RAB11FIP4: variants seen among roughly 807,000 people sequenced by gnomAD.
The protein encoded by RAB11FIP4 is rab11 family-interacting protein 4.
Under a neutral mutation model 74.3 loss-of-function variants are expected in RAB11FIP4, and 23 were observed. That is an observed-to-expected ratio of 0.31 (90% CI 0.22 to 0.44). RAB11FIP4 has a LOEUF of 0.44. RAB11FIP4 is among the 20% of genes least tolerant of loss of function. The pLI, the probability that RAB11FIP4 is intolerant of heterozygous loss-of-function variation, is 1.00. For synonymous variants in RAB11FIP4, 360 were observed against 359.9 expected, an observed-to-expected ratio of 1.00 and a Z score of 0.00; for missense variants, 630 against 863.9, an observed-to-expected ratio of 0.73 and a Z score of 3.39.
At chr17:31,399,568 C>A (rs577997149) in intron 1 of RAB11FIP4, among the ~76,000 whole-genome samples, 2 of 151,614 alleles carry the variant, frequency 1.3e-5, no homozygotes, top group African/African-American at 4.8e-5. Context: ...CAAAAATTAG[C>A]CGGGCGTGGT....
chr17:31,523,573 G>A lies in RAB11FIP4; in HGVS notation c.991G>A (p.Asp331Asn). The change falls in exon 8 of 15, where the codon GAC becomes AAC. Residue 331 changes from aspartate to asparagine, a missense_variant. Physicochemically the swap from Asp to Asn is conservative, Grantham distance 23. Coordinates refer to ENST00000621161, the MANE Select transcript of RAB11FIP4 (RefSeq NM_032932.6). ...SNGSTEDLFR[D>N]SIDSCDNDIT... ...TGGCAGCACCGAAGACCTGTTCCGG[G>A]ACAGCATTGACTCTTGCGACAATGA... 6.2e-7 allele frequency: 1 copy of A among 1,614,146 alleles called. No individual in the cohort carries two copies. Among genetic ancestry groups the A allele is most frequent in the African/African-American group, 1.3e-5 (1 of 75,050 alleles).
chr17:31,413,970 C>T (rs188540644), intron 1 of RAB11FIP4, among the ~76,000 whole-genome samples: 9 of 152,212 alleles, frequency 5.9e-5, no homozygotes, highest in East Asian at 3.8e-4. Context: ...CACGGGTGTC[C>T]GCAGCTTCCT....
chr17:31,435,432 A>G (rs1427926364), intron 3 of RAB11FIP4, among the ~76,000 whole-genome samples: 4 of 152,208 alleles, frequency 2.6e-5, no homozygotes, highest in Admixed American at 1.3e-4. Flanking sequence ...TTTTCCAAGC[A>G]GTGCAGCTTC....
intron 3 of RAB11FIP4, among the ~76,000 whole-genome samples, chr17:31,445,532 TTATATATATA>T (rs1208804229): frequency 0.047 from 1,697 of 36,092 alleles, 40 homozygotes; most frequent in Non-Finnish European, 0.059. Context: ...TTTCCCAATT[TTATATATATA>T]TATATATATA....
At chr17:31,505,863 G>T (rs2072338882) in intron 3 of RAB11FIP4, among the ~76,000 whole-genome samples, 1 of 147,784 alleles carries the variant, frequency 6.8e-6, no homozygotes, top group East Asian at 2.0e-4. Flanking sequence ...GCACCACCTG[G>T]CTATTCTTTT....
At position 31,521,158 on chromosome 17, in the gene RAB11FIP4, A is replaced by G. The variant is rs2072657113; in HGVS notation, c.564-8A>G. ...CCTCCTCTGACTTGGGTGCTCTCGGACCCTCAGGTCCCTGGTCCACACTCC... is the reference window on the plus strand; with the variant it reads ...CCTCCTCTGACTTGGGTGCTCTCGGGCCCTCAGGTCCCTGGTCCACACTCC... On this transcript the variant is annotated splice_polypyrimidine_tract_variant and splice_region_variant and intron_variant, in intron 4 of 14. Transcript: ENST00000621161. The G allele has an allele frequency of 6.4e-7, 1 of 1,553,418 alleles. No homozygotes were observed. The highest frequency in any genetic ancestry group is 8.8e-7 in the Non-Finnish European group (1 of 1,142,762).
chr17:31,451,458 CAAAA>C (rs60812825), intron 3 of RAB11FIP4, among the ~76,000 whole-genome samples: 3 of 85,972 alleles, frequency 3.5e-5, no homozygotes, highest in Admixed American at 1.3e-4. Flanking sequence ...GACTCCATCT[CAAAA>C]AAAAAAAAAA....
At chr17:31,400,282 G>A (rs772338806) in intron 1 of RAB11FIP4, among the ~76,000 whole-genome samples, 30 of 152,222 alleles carry the variant, frequency 2.0e-4, no homozygotes, top group Non-Finnish European at 1.9e-4. Context: ...TGGCTATTGA[G>A]GTGGAGCCCA....
chr17:31,530,244 G>A, intron 13 of RAB11FIP4, 82 bp from the exon 14 acceptor site: 1 of 1,552,846 alleles, frequency 6.4e-7, no homozygotes, highest in Non-Finnish European at 8.8e-7. Flanking sequence ...GCAGGTCGGG[G>A]ACGGTGGATG....
intron 2 of RAB11FIP4, among the ~76,000 whole-genome samples, chr17:31,432,848 G>A (rs185436853): frequency 1.7e-3 from 261 of 152,318 alleles, no homozygotes; most frequent in African/African-American, 5.4e-3. Context: ...TGAGGGCCAG[G>A]CACGGTGGCT....
intron 3 of RAB11FIP4, among the ~76,000 whole-genome samples, chr17:31,458,020 C>A (rs2071595947): frequency 6.6e-6 from 1 of 152,204 alleles, no homozygotes; most frequent in African/African-American, 2.4e-5. Context: ...CCATGCTAAT[C>A]TCCTTTAACC....
chr17:31,465,366 C>T (rs976745375), intron 3 of RAB11FIP4, among the ~76,000 whole-genome samples: 1 of 152,086 alleles, frequency 6.6e-6, no homozygotes. Flanking sequence ...GCACGCTCCC[C>T]TAACCAAAGT....
intron 3 of RAB11FIP4, among the ~76,000 whole-genome samples, chr17:31,437,530 C>A (rs1264732659): frequency 6.6e-6 from 1 of 152,134 alleles, no homozygotes; most frequent in Non-Finnish European, 1.5e-5. Flanking sequence ...CCAGGGAACG[C>A]AAACCTGAGG....
At chr17:31,394,107 A>G (rs539236191) in intron 1 of RAB11FIP4, among the ~76,000 whole-genome samples, 1 of 152,180 alleles carries the variant, frequency 6.6e-6, no homozygotes, top group South Asian at 2.1e-4. Flanking sequence ...TTAAAAGCAT[A>G]CTCTGAGATT....
chr17:31,523,093 C>G (rs1363507094), intron 7 of RAB11FIP4: 1 of 236,424 alleles, frequency 4.2e-6, no homozygotes, highest in Non-Finnish European at 8.6e-6. Context: ...CAGGAGCCAG[C>G]TTGGTGGAGA....
At chr17:31,410,274 T>G (rs540032038) in intron 1 of RAB11FIP4, among the ~76,000 whole-genome samples, 2 of 152,240 alleles carry the variant, frequency 1.3e-5, no homozygotes, top group East Asian at 1.9e-4. Flanking sequence ...TCCAAGTCCA[T>G]AAGTCACTGG....
intron 1 of RAB11FIP4, among the ~76,000 whole-genome samples, chr17:31,421,643 G>A (rs1274249320): frequency 1.4e-5 from 2 of 147,196 alleles, no homozygotes; most frequent in Non-Finnish European, 3.0e-5. Context: ...TGCAAACTTC[G>A]CCTCCTGGGT....
intron 3 of RAB11FIP4, among the ~76,000 whole-genome samples, chr17:31,454,758 C>T (rs934935022): frequency 1.3e-5 from 2 of 152,146 alleles, no homozygotes; most frequent in South Asian, 4.1e-4. Context: ...GTGGTTCCTG[C>T]CTGTAGTCCC....
At chr17:31,446,668 G>A (rs1428806774) in intron 3 of RAB11FIP4, among the ~76,000 whole-genome samples, 1 of 151,944 alleles carries the variant, frequency 6.6e-6, no homozygotes, top group Non-Finnish European at 1.5e-5. Flanking sequence ...GTCTTTGGGG[G>A]GATTATCTGA....
Sources: gnomAD v4.1 joint callset for allele counts (sites outside exome capture counted in the v4.1 genomes callset) on GRCh38, gnomAD v4.1.1 for gene constraint, MANE v1.5 for transcripts, NCBI Gene and HGNC (gene_info 2026-07-23, HGNC 2026-07-21) for gene names.